ANKDD1B: variants seen among roughly 807,000 people sequenced by gnomAD.
ANKDD1B encodes the protein ankyrin repeat and death domain-containing protein 1B.
In ANKDD1B, 57 loss-of-function variants were observed where a neutral mutation model predicts 59.7. The observed-to-expected ratio is 0.95, with a 90% confidence interval of 0.77 to 1.19. ANKDD1B has a LOEUF of 1.19. Among genes scored for constraint, ANKDD1B ranks in the 50% most tolerant of loss-of-function variants. The pLI is 0.00. For synonymous variants in ANKDD1B, 216 were observed against 239.5 expected (o/e 0.90, Z 0.91); for missense variants, 602 against 641.9 (o/e 0.94, Z 0.67).
intron 5 of ANKDD1B, among the ~76,000 whole-genome samples, chr5:75,632,114 A>C (rs1238600673): frequency 6.6e-6 from 1 of 151,932 alleles, no homozygotes; most frequent in Admixed American, 6.5e-5. Context: ...CTCAAAAAAA[A>C]AAAAAAAAAG....
At chr5:75,649,146 T>G (rs1038863548) in intron 7 of ANKDD1B, among the ~76,000 whole-genome samples, 2 of 152,074 alleles carry the variant, frequency 1.3e-5, no homozygotes, top group Admixed American at 1.3e-4. Flanking sequence ...ACCTCACATT[T>G]TATCATACAT....
chr5:75,618,834 C>T (rs1581128750), intron 2 of ANKDD1B, among the ~76,000 whole-genome samples: 2 of 152,302 alleles, frequency 1.3e-5, no homozygotes, highest in Admixed American at 1.3e-4. Flanking sequence ...CAACCTCCAC[C>T]TCCTGGGTTC....
chr5:75,661,119 C>A (rs908858956), intron 10 of ANKDD1B, among the ~76,000 whole-genome samples: 1 of 150,098 alleles, frequency 6.7e-6, no homozygotes, highest in Non-Finnish European at 1.5e-5. Flanking sequence ...CACAGACTGG[C>A]TGGGCGCGGT....
Position 75,620,415 on chromosome 5 carries a change from T to C in ANKDD1B, c.396+2T>C. Reference sequence around the variant, plus strand: ...GCCAGGGTGGATGTTGCTGATAAGGTAAGCTCATCTTGAGTAGAACAAGTT... The same window carrying C: ...GCCAGGGTGGATGTTGCTGATAAGGCAAGCTCATCTTGAGTAGAACAAGTT... On this transcript the variant is annotated splice_donor_variant, in intron 3 of 13. Coordinates refer to ENST00000601380, the MANE Select transcript of ANKDD1B (RefSeq NM_001276713.2). LOFTEE classifies it high-confidence loss of function. The C allele has an allele frequency of 6.6e-7, 1 of 1,511,298 alleles. No individual in the cohort carries two copies. Among genetic ancestry groups the C allele is most frequent in the Non-Finnish European group, 8.9e-7 (1 of 1,125,010 alleles). The allele number at this position is 1,511,298 out of a possible 1,614,324, so 93.6% of individuals were successfully genotyped here.
In ANKDD1B at chr5:75,667,079, G is replaced by A. The variant is rs57898445; in HGVS notation, c.1393+86G>A. 5.5e-3 allele frequency: 4,859 copies of A among 879,878 alleles called. 162 individuals carry two copies. In the African/African-American group the frequency reaches 0.074, roughly 13 times the overall value. The allele number at this position is 879,878 out of a possible 1,614,324, so 54.5% of individuals were successfully genotyped here. A position where few individuals can be genotyped will look rare whatever the true frequency, so the allele number is the denominator to read the frequency against. ...CTGGTGTGAGGTCTTCCAAGGAAGT[G>A]TGTGGCACTCACAATAAGCTGCAGT... On this transcript the variant is annotated intron_variant, in intron 12 of 13. Transcript: ENST00000601380.
At position 75,634,627 on chromosome 5, in the gene ANKDD1B, T is replaced by A. The variant is rs370211522; in HGVS notation, c.601-271T>A. ...GAATCTTGTCATCTGACTGTGATGT[T>A]GCACCTCTCCTGATGCTTGAGAGGA... is the stretch of plus-strand genomic sequence containing the variant. On this transcript the variant is annotated intron_variant, in intron 5 of 13. Transcript: ENST00000601380. 61 of 299,330 alleles carry A rather than the reference T, an allele frequency of 2.0e-4. 2 individuals are homozygous for A. The East Asian group carries it at 3.1e-3, about 15-fold the overall frequency. The allele number at this position is 299,330 out of a possible 1,614,324, so 18.5% of individuals were successfully genotyped here.
Position 75,671,835 on chromosome 5 carries a change from A to G in ANKDD1B, c.*795A>G, listed in dbSNP as rs1205089121. The G allele has an allele frequency of 1.3e-5, 1 of 78,930 alleles. No homozygotes were observed. Among genetic ancestry groups the G allele is most frequent in the Non-Finnish European group, 3.1e-5 (1 of 32,278 alleles). The allele number at this position is 78,930 out of a possible 1,614,324, so 4.9% of individuals were successfully genotyped here. ...TCTAAGAGTTATGAAATAAATGTAA[A>G]ATTGAGTGTCAGTTTATGTGCACCT... On this transcript the variant is annotated 3_prime_UTR_variant, in exon 14 of 14. Coordinates refer to ENST00000601380, the MANE Select transcript of ANKDD1B (RefSeq NM_001276713.2).
chr5:75,670,388 T>G (rs1456070569), intron 13 of ANKDD1B, among the ~76,000 whole-genome samples: 1 of 152,248 alleles, frequency 6.6e-6, no homozygotes, highest in African/African-American at 2.4e-5. Context: ...CTAGAAAATG[T>G]AGCATTCCTA....
chr5:75,660,851 T>C (rs934193575), intron 10 of ANKDD1B, among the ~76,000 whole-genome samples: 6 of 152,198 alleles, frequency 3.9e-5, no homozygotes, highest in African/African-American at 1.4e-4. Flanking sequence ...TGTCATCTGG[T>C]GCTTTGCTAC....
Position 75,652,909 on chromosome 5 carries a change from A to G in ANKDD1B, c.799-233A>G, listed in dbSNP as rs142646821. On this transcript the variant is annotated intron_variant, in intron 7 of 13. Transcript: ENST00000601380. Reference sequence around the variant, plus strand: ...TATTGCTCCTAGGCTACAAACCTGTACAGCATAGTAACATAGTAACATAGT... The same window carrying G: ...TATTGCTCCTAGGCTACAAACCTGTGCAGCATAGTAACATAGTAACATAGT... 1.1e-3 allele frequency among the ~76,000 whole-genome samples: 168 copies of G among 152,370 alleles called. 1 individual carries two copies. The East Asian group carries it at 0.028, about 26-fold the overall frequency.
At chr5:75,620,544 T>G (rs899224511) in intron 3 of ANKDD1B, 131 bp downstream of exon 3, 45 of 594,592 alleles carry the variant, frequency 7.6e-5, no homozygotes, top group Non-Finnish European at 1.1e-4. Context: ...TTTGGAAAGG[T>G]CTCTTCATAG....
intron 7 of ANKDD1B, among the ~76,000 whole-genome samples, chr5:75,652,631 G>T (rs780982678): frequency 6.6e-6 from 1 of 152,150 alleles, no homozygotes; most frequent in African/African-American, 2.4e-5. Context: ...TAGAGACAAG[G>T]TTTCACCATG....
intron 11 of ANKDD1B, among the ~76,000 whole-genome samples, chr5:75,665,148 C>T (rs995211320): frequency 6.6e-6 from 1 of 152,052 alleles, no homozygotes; most frequent in Non-Finnish European, 1.5e-5. Flanking sequence ...TTTTAATTTC[C>T]ACCAGTTCTG....
intron 7 of ANKDD1B, among the ~76,000 whole-genome samples, chr5:75,649,428 ATTCAC>A (rs1774764094): frequency 6.6e-6 from 1 of 151,918 alleles, no homozygotes; most frequent in Non-Finnish European, 1.5e-5. Context: ...TTAAATATTT[ATTCAC>A]TTCAATTTTG....
chr5:75,637,715 G>A (rs143317736), intron 7 of ANKDD1B, among the ~76,000 whole-genome samples: 1 of 152,092 alleles, frequency 6.6e-6, no homozygotes, highest in East Asian at 1.9e-4. Flanking sequence ...AGATAACTCA[G>A]TTAATTGTTT....
At chr5:75,613,288 T>C (rs1773619169) in intron 1 of ANKDD1B, among the ~76,000 whole-genome samples, 1 of 152,206 alleles carries the variant, frequency 6.6e-6, no homozygotes, top group African/African-American at 2.4e-5. Context: ...GGGTTTTTTA[T>C]GCATAGGGTA....
At chr5:75,653,062 G>T in intron 7 of ANKDD1B, 80 bp from the exon 8 acceptor site, 1 of 952,772 alleles carries the variant, frequency 1.0e-6, no homozygotes, top group South Asian at 1.4e-5. Context: ...TGTATTAACT[G>T]ATTACCATGT....
At chr5:75,627,641 A>G (rs2112968210) in intron 5 of ANKDD1B, among the ~76,000 whole-genome samples, 1 of 152,320 alleles carries the variant, frequency 6.6e-6, no homozygotes, top group East Asian at 1.9e-4. Context: ...TATCCATGCC[A>G]AATAGAGGTG....
chr5:75,649,353 A>T (rs1243248249), intron 7 of ANKDD1B, among the ~76,000 whole-genome samples: 1 of 145,954 alleles, frequency 6.9e-6, no homozygotes, highest in African/African-American at 2.8e-5. Context: ...CAACCTACAA[A>T]TTGTTTATAA....
Sources: allele counts gnomAD v4.1 joint callset (sites outside exome capture counted in the v4.1 genomes callset), GRCh38; gene constraint gnomAD v4.1.1; transcripts MANE v1.5; gene names NCBI Gene and HGNC (gene_info 2026-07-23, HGNC 2026-07-21).